CADPS: variants seen among roughly 807,000 people sequenced by gnomAD.
CADPS encodes calcium-dependent secretion activator 1.
In CADPS, 57 loss-of-function variants were observed where a neutral mutation model predicts 167.3. The ratio of observed to expected loss-of-function variants is 0.34; its 90% CI spans 0.28 to 0.42. The LOEUF (loss-of-function observed/expected upper bound fraction) is 0.42. Among genes scored for constraint, CADPS ranks in the 20% least tolerant of loss-of-function variants. The pLI, the probability that CADPS is intolerant of heterozygous loss-of-function variation, is 1.00. For synonymous variants in CADPS, 676 were observed against 635.3 expected, an observed-to-expected ratio of 1.06 and a Z score of -0.96; for missense variants, 1,414 against 1,738.1, an observed-to-expected ratio of 0.81 and a Z score of 3.32.
chr3:62,669,675 C>T lies in CADPS; in HGVS notation c.889-7281G>A, dbSNP rs1274379266. 6.6e-5 allele frequency among the ~76,000 whole-genome samples: 10 copies of T among 152,188 alleles called. 1 individual carries two copies. Among genetic ancestry groups the T allele is most frequent in the Admixed American group, 6.5e-4 (10 of 15,270 alleles). ...ATCCTAGGAAAGTGATTGGACCTCT[C>T]TGAGCCCTAGCTTTTATTTTTTTCA... On this transcript the variant is annotated intron_variant, in intron 3 of 29. Transcript: ENST00000383710.
intron 1 of CADPS, among the ~76,000 whole-genome samples, chr3:62,785,177 C>A (rs1487630695): frequency 1.3e-5 from 2 of 152,178 alleles, no homozygotes; most frequent in East Asian, 3.9e-4. Flanking sequence ...ACCTCTCTAC[C>A]TGTTTATATG....
chr3:62,494,189 C>A (rs572451108), intron 18 of CADPS, among the ~76,000 whole-genome samples: 2 of 152,168 alleles, frequency 1.3e-5, no homozygotes, highest in African/African-American at 2.4e-5. Flanking sequence ...TGGGTCTGAA[C>A]CGATGAGGTT....
chr3:62,531,754 T>G (rs1227376110), intron 13 of CADPS, among the ~76,000 whole-genome samples: 2 of 152,188 alleles, frequency 1.3e-5, no homozygotes, highest in Non-Finnish European at 2.9e-5. Context: ...TATAGGCTTG[T>G]CTTTATACTA....
At chr3:62,745,201 G>C (rs1050467463) in intron 3 of CADPS, among the ~76,000 whole-genome samples, 1 of 151,932 alleles carries the variant, frequency 6.6e-6, no homozygotes, top group African/African-American at 2.4e-5. Context: ...TCCCATCCCA[G>C]CCTCCCAAGT....
intron 1 of CADPS, among the ~76,000 whole-genome samples, chr3:62,810,764 A>T (rs1303930135): frequency 6.6e-6 from 1 of 152,136 alleles, no homozygotes. Context: ...TGAATATCCC[A>T]CTGTCATTTC....
chr3:62,736,097 G>T (rs532368), intron 3 of CADPS, among the ~76,000 whole-genome samples: 48,814 of 151,996 alleles, frequency 0.32, 8,533 homozygotes, highest in African/African-American at 0.46. Context: ...GAGGTTGACA[G>T]GTTGGGTTCA....
At chr3:62,552,344 G>A (rs541676747) in intron 10 of CADPS, among the ~76,000 whole-genome samples, 3 of 152,170 alleles carry the variant, frequency 2.0e-5, no homozygotes, top group African/African-American at 4.8e-5. Context: ...AAACCTGCAC[G>A]TTGTGCACAT....
intron 3 of CADPS, among the ~76,000 whole-genome samples, chr3:62,734,489 T>G (rs1471348175): frequency 6.6e-6 from 1 of 152,190 alleles, no homozygotes; most frequent in African/African-American, 2.4e-5. Context: ...AAGTAGCCAC[T>G]ATTCTGATTT....
intron 7 of CADPS, among the ~76,000 whole-genome samples, chr3:62,592,090 T>G (rs2086182286): frequency 1.3e-5 from 2 of 152,174 alleles, no homozygotes; most frequent in Non-Finnish European, 2.9e-5. Flanking sequence ...ATCCTCAGGC[T>G]TAGGAGTCAC....
rs1283655186 is a variant in CADPS at position 62,544,233 on chromosome 3, C to G, written c.1966+5670G>C. 6.6e-6 allele frequency among the ~76,000 whole-genome samples: 1 copy of G among 152,102 alleles called. No homozygotes were observed. The highest frequency in any genetic ancestry group is 1.5e-5 in the Non-Finnish European group (1 of 68,010). ...CTATTGGGTCTTACATTAGAGCACA[C>G]CCTTAAGCCAGCTAGAATGAACTCT... On this transcript the variant is annotated intron_variant, in intron 11 of 29. Coordinates refer to ENST00000383710, the MANE Select transcript of CADPS (RefSeq NM_003716.4). This position sits in a 1 kb window ranked among gnomAD's most constrained non-coding sequence, Gnocchi z 4.4.
At chr3:62,581,545 G>A (rs1201554216) in intron 8 of CADPS, among the ~76,000 whole-genome samples, 1 of 151,928 alleles carries the variant, frequency 6.6e-6, no homozygotes, top group African/African-American at 2.4e-5. Flanking sequence ...GCTGGGCGTG[G>A]TGGTACATGG....
At position 62,478,164 on chromosome 3, in the gene CADPS, C is replaced by T. The variant is rs1010052297; in HGVS notation, c.3329+97G>A. 8.8e-6 allele frequency: 12 copies of T among 1,361,148 alleles called. No homozygotes were observed. Among genetic ancestry groups the T allele is most frequent in the Non-Finnish European group, 1.2e-5 (12 of 978,676 alleles). The allele number at this position is 1,361,148 out of a possible 1,614,324, so 84.3% of individuals were successfully genotyped here. ...AGCAATCCCCTTCTCCAATTAGTTT[C>T]AAACTACAGCCAATTGAAAGAGCAG... On this transcript the variant is annotated intron_variant, in intron 23 of 29. Transcript: ENST00000383710. The surrounding 1 kb of genome is among the most constrained non-coding windows in gnomAD (Gnocchi z 5.7).
chr3:62,420,237 A>AC lies in CADPS; in HGVS notation c.3778-17053dup, dbSNP rs1413713925. 2.6e-5 allele frequency among the ~76,000 whole-genome samples: 4 copies of AC among 152,186 alleles called. No homozygotes were observed. Among genetic ancestry groups the AC allele is most frequent in the African/African-American group, 9.7e-5 (4 of 41,448 alleles). On this transcript the variant is annotated intron_variant, in intron 28 of 29. Transcript: ENST00000383710. This position sits in a 1 kb window ranked among gnomAD's most constrained non-coding sequence, Gnocchi z 4.1. ...AATCCTAGAATTTGAAGACAATAAG[A>AC]CCCAACAACTCTAACTGGGTTAAGA...
At chr3:62,484,649 C>T (rs560173655) in intron 21 of CADPS, among the ~76,000 whole-genome samples, 26 of 152,150 alleles carry the variant, frequency 1.7e-4, no homozygotes, top group African/African-American at 6.3e-4. Context: ...CTCATCTACT[C>T]ACTCTTACAT....
At chr3:62,810,149 C>A (rs551236952) in intron 1 of CADPS, among the ~76,000 whole-genome samples, 60 of 152,278 alleles carry the variant, frequency 3.9e-4, no homozygotes, top group Non-Finnish European at 6.9e-4. Context: ...TCCCTAAGAT[C>A]CCTTTCAGCT....
intron 2 of CADPS, among the ~76,000 whole-genome samples, chr3:62,754,572 T>A (rs2083438335): frequency 3.3e-5 from 5 of 152,286 alleles, no homozygotes; most frequent in Admixed American, 3.3e-4. Flanking sequence ...CACTGCAGCC[T>A]CAAACTCCTG....
chr3:62,529,438 G>T (rs2073132619), intron 13 of CADPS, among the ~76,000 whole-genome samples: 1 of 152,170 alleles, frequency 6.6e-6, no homozygotes, highest in Non-Finnish European at 1.5e-5. Context: ...TTGGACAGCA[G>T]CCAGGAAGGC....
At chr3:62,779,312 C>T in intron 1 of CADPS, 1 of 392,408 alleles carries the variant, frequency 2.5e-6, no homozygotes, top group Non-Finnish European at 5.1e-6. Context: ...GCCTTCTTTC[C>T]CGCAGTGGTC....
chr3:62,622,010 A>G (rs548308424), intron 6 of CADPS, among the ~76,000 whole-genome samples: 2 of 151,352 alleles, frequency 1.3e-5, no homozygotes, highest in African/African-American at 2.4e-5. Flanking sequence ...CCATCCTCCT[A>G]CAAGTTTCAC....
Sources: allele counts gnomAD v4.1 joint callset (sites outside exome capture counted in the v4.1 genomes callset), GRCh38; gene constraint gnomAD v4.1.1; non-coding constraint Gnocchi (gnomAD v3.1); transcripts MANE v1.5; gene names NCBI Gene and HGNC (gene_info 2026-07-23, HGNC 2026-07-21).